PITPNA: variants seen among roughly 807,000 people sequenced by gnomAD.
The protein encoded by PITPNA is phosphatidylinositol transfer protein alpha isoform.
Under a neutral mutation model 50.3 loss-of-function variants are expected in PITPNA, and 13 were observed. The observed-to-expected ratio is 0.26, with a 90% confidence interval of 0.17 to 0.41. The LOEUF is 0.41. Ranked by LOEUF, PITPNA falls within the 10% of genes least tolerant of loss-of-function variation. The pLI, the probability that PITPNA is intolerant of heterozygous loss-of-function variation, is 1.00. For missense variants in PITPNA, 207 were observed against 333.4 expected (o/e 0.62, Z 2.95); for synonymous variants, 120 against 119.6 (o/e 1.00, Z -0.02).
chr17:1,526,029 T>C (rs984820613), intron 10 of PITPNA, among the ~76,000 whole-genome samples: 8 of 152,082 alleles, frequency 5.3e-5, no homozygotes, highest in African/African-American at 1.4e-4. Flanking sequence ...CCCTCCACTA[T>C]ATGGAAGCAG....
chr17:1,521,610 T>G lies in PITPNA; in HGVS notation c.804A>C (p.Ala268=). The change falls in exon 11 of 12, where the codon GCA becomes GCC. Residue 268 remains alanine, a synonymous_variant. Coordinates refer to ENST00000313486, the MANE Select transcript of PITPNA (RefSeq NM_006224.4). ...RQKDPVKGMT[A]DD is the part of the protein sequence containing the mutation. ...GAGGGGAAAGGCGGCTTTAGTCATC[T>G]GCTGTCATTCCTTTCACTGGGTCCT... 1 of 1,613,590 alleles carries G rather than the reference T, an allele frequency of 6.2e-7. No homozygotes were observed. Among genetic ancestry groups the G allele is most frequent in the Non-Finnish European group, 8.5e-7 (1 of 1,179,486 alleles).
chr17:1,541,514 A>G, intron 6 of PITPNA, 52 bp downstream of exon 6: 1 of 1,310,464 alleles, frequency 7.6e-7, no homozygotes, highest in Non-Finnish European at 1.1e-6. Context: ...GAGAGGCTAC[A>G]AGGCAGAGAC....
chr17:1,533,958 G>T, intron 10 of PITPNA, 141 bp downstream of exon 10: 2 of 925,074 alleles, frequency 2.2e-6, no homozygotes, highest in Non-Finnish European at 3.4e-6. Flanking sequence ...CCCACGTACT[G>T]CCCAGGATAC....
At chr17:1,527,657 AT>A (rs1056272800) in intron 10 of PITPNA, among the ~76,000 whole-genome samples, 8 of 152,026 alleles carry the variant, frequency 5.3e-5, no homozygotes, top group African/African-American at 1.4e-4. Context: ...CTATTTTTAA[AT>A]TTTTTTTCTA....
At chr17:1,547,564 C>T (rs753738933) in intron 4 of PITPNA, among the ~76,000 whole-genome samples, 2 of 151,812 alleles carry the variant, frequency 1.3e-5, no homozygotes, top group Non-Finnish European at 2.9e-5. Context: ...GCACGAGAAT[C>T]GCTTGAACCC....
At chr17:1,537,870 T>C (rs2075627242) in intron 7 of PITPNA, among the ~76,000 whole-genome samples, 1 of 152,028 alleles carries the variant, frequency 6.6e-6, no homozygotes, top group African/African-American at 2.4e-5. Context: ...GTGTGATCTC[T>C]GCTCACTGCA....
In PITPNA at chr17:1,543,729, G is replaced by C. The variant is rs550887274; in HGVS notation, c.290-702C>G. On this transcript the variant is annotated intron_variant, in intron 4 of 11. Transcript: ENST00000313486. The stretch of plus-strand genomic sequence containing the variant: ...GAACTGAAGTTAAGGTGACCCCGGA[G>C]CACAAAATGAGGCAAAGTTGAAATA... 4.6e-4 allele frequency among the ~76,000 whole-genome samples: 70 copies of C among 152,232 alleles called. No individual in the cohort carries two copies. The Middle Eastern group carries it at 0.017, about 37-fold the overall frequency.
chr17:1,535,365 G>T, intron 8 of PITPNA, 73 bp from the exon 9 acceptor site: 1 of 1,502,082 alleles, frequency 6.7e-7, no homozygotes, highest in African/African-American at 1.4e-5. Flanking sequence ...GCTCACCCCA[G>T]CCATGCCCCT....
At chr17:1,540,677 C>T (rs2075643806) in intron 6 of PITPNA, among the ~76,000 whole-genome samples, 1 of 151,722 alleles carries the variant, frequency 6.6e-6, no homozygotes, top group African/African-American at 2.4e-5. Context: ...CAAGCTTCGA[C>T]TCCCGGGTTC....
At chr17:1,534,999 C>G (rs1248914702) in intron 9 of PITPNA, among the ~76,000 whole-genome samples, 183 bp downstream of exon 9, 1 of 152,204 alleles carries the variant, frequency 6.6e-6, no homozygotes, top group African/African-American at 2.4e-5. Context: ...CACGCAGTCA[C>G]TGGGAAGGCC....
intron 10 of PITPNA, among the ~76,000 whole-genome samples, chr17:1,531,470 C>A (rs776984713): frequency 6.6e-6 from 1 of 152,164 alleles, no homozygotes; most frequent in South Asian, 2.1e-4. Context: ...GTGGAGCTTG[C>A]AGTGAGCCGA....
chr17:1,554,642 C>T (rs1391279430), intron 2 of PITPNA, among the ~76,000 whole-genome samples: 1 of 152,140 alleles, frequency 6.6e-6, no homozygotes, highest in Non-Finnish European at 1.5e-5. Flanking sequence ...GCTTCCAGAG[C>T]TGCTTCGCCT....
chr17:1,525,952 G>A (rs1330418013), intron 10 of PITPNA, among the ~76,000 whole-genome samples: 1 of 152,218 alleles, frequency 6.6e-6, no homozygotes, highest in Non-Finnish European at 1.5e-5. Flanking sequence ...CTATGAGAAG[G>A]TCTGGGAGCT....
intron 2 of PITPNA, among the ~76,000 whole-genome samples, chr17:1,555,387 C>A (rs1288094311): frequency 6.6e-6 from 1 of 152,160 alleles, no homozygotes; most frequent in Admixed American, 6.5e-5. Flanking sequence ...AAGTGAAGGG[C>A]GCTTTTCACG....
At chr17:1,549,201 C>G (rs769463645) in intron 3 of PITPNA, among the ~76,000 whole-genome samples, 1 of 151,788 alleles carries the variant, frequency 6.6e-6, no homozygotes, top group Non-Finnish European at 1.5e-5. Flanking sequence ...CCACCGCGCC[C>G]GGTCTCTTCT....
At chr17:1,550,908 G>T (rs928906332) in intron 3 of PITPNA, among the ~76,000 whole-genome samples, 3 of 152,260 alleles carry the variant, frequency 2.0e-5, no homozygotes, top group Admixed American at 6.5e-5. Flanking sequence ...AGCTGCTGTA[G>T]TAATCCAGGC....
chr17:1,543,120 G>T, intron 4 of PITPNA, 93 bp from the exon 5 acceptor site: 1 of 983,640 alleles, frequency 1.0e-6, no homozygotes, highest in Non-Finnish European at 1.5e-6. Flanking sequence ...GAGGACGAAT[G>T]GCAGAGTGTA....
At chr17:1,547,684 T>C (rs938481254) in intron 4 of PITPNA, among the ~76,000 whole-genome samples, 1 of 150,784 alleles carries the variant, frequency 6.6e-6, no homozygotes, top group Non-Finnish European at 1.5e-5. Context: ...ATAGTAATGA[T>C]CTAAAATTTT....
intron 3 of PITPNA, 85 bp from the exon 4 acceptor site, chr17:1,548,472 G>A: frequency 1.1e-6 from 1 of 939,798 alleles, no homozygotes; most frequent in Non-Finnish European, 1.6e-6. Context: ...TTCTTCATGG[G>A]GAGCTGACAA....
Sources: allele counts gnomAD v4.1 joint callset (sites outside exome capture counted in the v4.1 genomes callset), GRCh38; gene constraint gnomAD v4.1.1; transcripts MANE v1.5; gene names NCBI Gene and HGNC (gene_info 2026-07-23, HGNC 2026-07-21).